The following ANXA13 variants were observed in gnomAD, a reference collection of about 807,000 sequenced individuals.
ANXA13 encodes the protein annexin XIII.
A neutral mutation model predicts 46.6 loss-of-function variants in ANXA13; 36 were observed. The observed-to-expected ratio is 0.77, with a 90% CI of 0.59 to 1.02. ANXA13 has a LOEUF of 1.02. ANXA13 is among the 50% of genes least tolerant of loss of function. The probability of loss-of-function intolerance (pLI) is 0.00; values close to 1 mark genes in which losing one functional copy is unlikely to be tolerated. For synonymous variants in ANXA13, 163 were observed against 152.9 expected, an observed-to-expected ratio of 1.07 and a Z score of -0.49; for missense variants, 417 against 396.5, an observed-to-expected ratio of 1.05 and a Z score of -0.44.
At chr8:123,687,838 A>G (rs1813168058) in intron 9 of ANXA13, among the ~76,000 whole-genome samples, 1 of 152,190 alleles carries the variant, frequency 6.6e-6, no homozygotes, top group Non-Finnish European at 1.5e-5. Flanking sequence ...AGAAAGAAGG[A>G]GCCTGTCAGA....
At chr8:123,682,752 G>A (rs965923267) in intron 10 of ANXA13, among the ~76,000 whole-genome samples, 12 of 152,268 alleles carry the variant, frequency 7.9e-5, no homozygotes, top group Admixed American at 3.9e-4. Context: ...GGGTGCACAG[G>A]GCTCTGTTCT....
At chr8:123,696,826 G>C (rs1450794171) in intron 4 of ANXA13, among the ~76,000 whole-genome samples, 1 of 152,208 alleles carries the variant, frequency 6.6e-6, no homozygotes, top group Non-Finnish European at 1.5e-5. Flanking sequence ...TGATAGAGAG[G>C]CCTTGCTTAT....
chr8:123,719,616 T>G (rs376722989), intron 1 of ANXA13, among the ~76,000 whole-genome samples: 1 of 152,140 alleles, frequency 6.6e-6, no homozygotes. Flanking sequence ...GACAAGCAAT[T>G]AAATAAAAGA....
chr8:123,732,006 G>A (rs2129951699), intron 1 of ANXA13, among the ~76,000 whole-genome samples: 1 of 152,310 alleles, frequency 6.6e-6, no homozygotes, highest in East Asian at 1.9e-4. Flanking sequence ...AGGGGATGGA[G>A]AAAGCTCAGG....
At chr8:123,682,189 A>G (rs1813051435) in intron 10 of ANXA13, among the ~76,000 whole-genome samples, 1 of 152,228 alleles carries the variant, frequency 6.6e-6, no homozygotes, top group Non-Finnish European at 1.5e-5. Flanking sequence ...ACCAGTCAAC[A>G]CAACTCAAAT....
chr8:123,685,142 C>T (rs1383770187), intron 9 of ANXA13, among the ~76,000 whole-genome samples: 3 of 152,356 alleles, frequency 2.0e-5, no homozygotes. Context: ...GGACAGCCGC[C>T]TGCTCTCCTA....
chr8:123,722,817 C>T (rs1813910020), intron 1 of ANXA13, among the ~76,000 whole-genome samples: 1 of 152,080 alleles, frequency 6.6e-6, no homozygotes, highest in Non-Finnish European at 1.5e-5. Context: ...AGGAAGTGGC[C>T]CTTCTGCCCT....
chr8:123,692,120 G>T (rs1388550564), intron 8 of ANXA13, among the ~76,000 whole-genome samples: 1 of 152,172 alleles, frequency 6.6e-6, no homozygotes, highest in African/African-American at 2.4e-5. Context: ...CTTTTTATCT[G>T]CTGGCAACAC....
At chr8:123,731,765 T>C (rs1814123275) in intron 1 of ANXA13, among the ~76,000 whole-genome samples, 1 of 152,044 alleles carries the variant, frequency 6.6e-6, no homozygotes, top group African/African-American at 2.4e-5. Context: ...TCCCAGCTAC[T>C]TGGGGGTATG....
chr8:123,736,430 A>C, intron 1 of ANXA13, among the ~76,000 whole-genome samples: 1 of 152,210 alleles, frequency 6.6e-6, no homozygotes, highest in East Asian at 1.9e-4. Context: ...TGTTTTAGTC[A>C]GTTTTTAGTC....
At position 123,693,719 on chromosome 8, in the gene ANXA13, G is replaced by A; in HGVS notation, c.532C>T (p.Leu178=). The A allele has an allele frequency of 6.2e-7, 1 of 1,613,890 alleles. No homozygotes were observed. The highest frequency in any genetic ancestry group is 8.5e-7 in the Non-Finnish European group (1 of 1,179,872). ...CATGTCTGCACACATACATCATACAGATCTTTGGCATCCTGACCAGCTAGA... is the reference window on the plus strand; with the variant it reads ...CATGTCTGCACACATACATCATACAAATCTTTGGCATCCTGACCAGCTAGA... ...KDLAGQDAKD[L]YDAGEGRWGT... is the part of the protein sequence containing the mutation. The change falls in exon 7 of 11, where the codon CTG becomes TTG. Residue 178 remains leucine (L), a synonymous_variant. Coordinates refer to ENST00000419625, the MANE Select transcript of ANXA13 (RefSeq NM_004306.4).
In ANXA13 at chr8:123,690,925, G is replaced by C. The variant is rs1354917273; in HGVS notation, c.643-1979C>G. Reference sequence around the variant, plus strand: ...AAAGGGTGAGGCACGCAGTGAGGTGGCAGCAAAGTGGGCTATGGGTATGCA... The same window carrying C: ...AAAGGGTGAGGCACGCAGTGAGGTGCCAGCAAAGTGGGCTATGGGTATGCA... On this transcript the variant is annotated intron_variant, in intron 8 of 10. Transcript: ENST00000419625. This position sits in a 1 kb window ranked among gnomAD's most constrained non-coding sequence, Gnocchi z 4.6. Among the ~76,000 whole-genome samples, 2 of 152,206 alleles carry C rather than the reference G, an allele frequency of 1.3e-5. No individual in the cohort carries two copies. The highest frequency in any genetic ancestry group is 2.9e-5 in the Non-Finnish European group (2 of 68,024).
intron 1 of ANXA13, among the ~76,000 whole-genome samples, chr8:123,736,847 CTTTT>C (rs34405438): frequency 3.5e-5 from 4 of 113,444 alleles, no homozygotes; most frequent in African/African-American, 6.9e-5. Context: ...ATCCCCAGTG[CTTTT>C]TTTTTTTTTT....
chr8:123,687,813 C>A (rs1445353104), intron 9 of ANXA13, among the ~76,000 whole-genome samples: 1 of 152,164 alleles, frequency 6.6e-6, no homozygotes, highest in Non-Finnish European at 1.5e-5. Context: ...TGCCTTCATT[C>A]CAGGGCTTGC....
At chr8:123,720,148 G>T (rs2010301) in intron 1 of ANXA13, among the ~76,000 whole-genome samples, 7,767 of 152,258 alleles carry the variant, frequency 0.051, 269 homozygotes, top group Non-Finnish European at 0.075. Context: ...ATTTGACAAT[G>T]GTTGCTTAGT....
At chr8:123,682,422 C>T (rs1274852098) in intron 10 of ANXA13, among the ~76,000 whole-genome samples, 1 of 152,180 alleles carries the variant, frequency 6.6e-6, no homozygotes, top group African/African-American at 2.4e-5. Context: ...CTCTTTTTAA[C>T]CAGGAGTCTT....
At chr8:123,687,170 G>A (rs1301265658) in intron 9 of ANXA13, among the ~76,000 whole-genome samples, 1 of 152,140 alleles carries the variant, frequency 6.6e-6, no homozygotes, top group South Asian at 2.1e-4. Context: ...CCAGGCAGGT[G>A]CTGAGTAAAT....
At chr8:123,699,480 A>G (rs1813404486) in intron 3 of ANXA13, among the ~76,000 whole-genome samples, 1 of 152,186 alleles carries the variant, frequency 6.6e-6, no homozygotes, top group African/African-American at 2.4e-5. Flanking sequence ...CCATGACCCC[A>G]GCCTGCCATC....
intron 1 of ANXA13, chr8:123,727,736 G>T (rs1814029480): frequency 6.7e-6 from 1 of 150,112 alleles, no homozygotes; most frequent in Non-Finnish European, 1.5e-5. Context: ...CTGAATGGTT[G>T]TAACGATTCT....
Sources: gnomAD v4.1 joint callset for allele counts (sites outside exome capture counted in the v4.1 genomes callset) on GRCh38, gnomAD v4.1.1 for gene constraint, Gnocchi (gnomAD v3.1) non-coding constraint, MANE v1.5 for transcripts, NCBI Gene and HGNC (gene_info 2026-07-23, HGNC 2026-07-21) for gene names.